The following IQSEC3 variants were observed in gnomAD, a reference collection of about 807,000 sequenced individuals.
IQSEC3 encodes IQ motif and SEC7 domain-containing protein 3.
Under a neutral mutation model 105.4 loss-of-function variants are expected in IQSEC3, and 50 were observed. That is an observed-to-expected ratio of 0.47 (90% CI 0.38 to 0.60). IQSEC3 has a LOEUF of 0.60. Among genes scored for constraint, IQSEC3 ranks in the 20% least tolerant of loss-of-function variants. The pLI, the probability that IQSEC3 is intolerant of heterozygous loss-of-function variation, is 0.00. For missense variants in IQSEC3, 1,415 were observed against 1,630.0 expected, an observed-to-expected ratio of 0.87 and a Z score of 2.27; for synonymous variants, 708 against 746.0, an observed-to-expected ratio of 0.95 and a Z score of 0.83.
At chr12:156,449 G>GGCTGGGGCAGCTGGGGGGA (rs1316633040) in intron 5 of IQSEC3, among the ~76,000 whole-genome samples, 5 of 151,926 alleles carry the variant, frequency 3.3e-5, no homozygotes, top group Non-Finnish European at 2.9e-5. Context: ...CTCCCCTGAG[G>GGCTGGGGCAGCTGGGGGGA]GCTGGGGCAG....
chr12:71,541 T>A (rs1194694583), intron 1 of IQSEC3, among the ~76,000 whole-genome samples: 2 of 152,270 alleles, frequency 1.3e-5, no homozygotes, highest in African/African-American at 4.8e-5. Flanking sequence ...TTCACTGAAG[T>A]CAAAGGTTTA....
At chr12:114,007 C>A (rs1864973991) in intron 2 of IQSEC3, among the ~76,000 whole-genome samples, 1 of 152,196 alleles carries the variant, frequency 6.6e-6, no homozygotes, top group African/African-American at 2.4e-5. Flanking sequence ...AACTCTATGA[C>A]CTTGGTTAAA....
intron 5 of IQSEC3, among the ~76,000 whole-genome samples, chr12:145,343 A>G (rs537597213): frequency 6.6e-6 from 1 of 152,282 alleles, no homozygotes; most frequent in African/African-American, 2.4e-5. Flanking sequence ...GGCATGATCA[A>G]AGCTCGCTGC....
At chr12:161,896 C>A in intron 7 of IQSEC3, 30 bp from the exon 8 acceptor site, 2 of 1,551,708 alleles carry the variant, frequency 1.3e-6, no homozygotes, top group Non-Finnish European at 1.7e-6. Flanking sequence ...CCCAACCCCA[C>A]CACCACCCCT....
intron 2 of IQSEC3, among the ~76,000 whole-genome samples, chr12:121,059 G>A (rs781897280): frequency 1.3e-5 from 2 of 152,178 alleles, no homozygotes; most frequent in African/African-American, 4.8e-5. Flanking sequence ...CCAGTGCTCT[G>A]GGAAGGGCCT....
intron 4 of IQSEC3, 183 bp from the exon 5 acceptor site, chr12:140,941 C>T (rs1555088984): frequency 8.8e-6 from 5 of 569,278 alleles, no homozygotes; most frequent in Non-Finnish European, 1.5e-5. Context: ...TGTCCTCCTT[C>T]TGGTCACACA....
Position 141,253 on chromosome 12 carries a change from C to T in IQSEC3, c.2121C>T (p.Asn707=). The change falls in exon 5 of 14, where the codon AAC becomes AAT. Residue 707 remains asparagine (N), a synonymous_variant. Coordinates refer to ENST00000538872, the MANE Select transcript of IQSEC3 (RefSeq NM_001170738.2). The stretch of plus-strand genomic sequence containing the variant: ...AGATGATTGGAGAGTTCCTGGGCAA[C>T]AGCAAGAAGCAGTTCAACCGCGACG... The part of the protein sequence containing the change: ...SRQMIGEFLG[N]SKKQFNRDVL... 2 of 1,614,102 alleles carry T rather than the reference C, an allele frequency of 1.2e-6. No homozygotes were observed. Among genetic ancestry groups the T allele is most frequent in the South Asian group, 1.1e-5 (1 of 91,076 alleles).
intron 2 of IQSEC3, among the ~76,000 whole-genome samples, chr12:100,467 C>T (rs1028004767): frequency 1.7e-4 from 26 of 152,282 alleles, no homozygotes; most frequent in Non-Finnish European, 2.5e-4. Flanking sequence ...TCTTGGGGCA[C>T]AGACAGCCAC....
chr12:151,402 G>C (rs527575912), intron 5 of IQSEC3, among the ~76,000 whole-genome samples: 19 of 152,200 alleles, frequency 1.2e-4, no homozygotes, highest in Non-Finnish European at 2.2e-4. Flanking sequence ...CCTGCACCTC[G>C]AGTCCCATCT....
At chr12:94,978 C>T (rs1261857901) in intron 1 of IQSEC3, among the ~76,000 whole-genome samples, 1 of 152,222 alleles carries the variant, frequency 6.6e-6, no homozygotes, top group Non-Finnish European at 1.5e-5. Context: ...AGGCTCTCCA[C>T]TGTCCTGCAC....
chr12:163,386 G>C, intron 8 of IQSEC3, 108 bp from the exon 9 acceptor site: 3 of 987,016 alleles, frequency 3.0e-6, no homozygotes, highest in South Asian at 1.9e-5. Context: ...CCACAGAACC[G>C]GGCCCCTCCC....
At chr12:161,631 T>C (rs1445281673) in intron 7 of IQSEC3, among the ~76,000 whole-genome samples, 1 of 152,134 alleles carries the variant, frequency 6.6e-6, no homozygotes, top group Non-Finnish European at 1.5e-5. Context: ...ACATGGAGGC[T>C]GTATCTGCCA....
intron 5 of IQSEC3, among the ~76,000 whole-genome samples, chr12:150,218 G>T (rs1555092255): frequency 6.6e-6 from 1 of 152,204 alleles, no homozygotes; most frequent in Non-Finnish European, 1.5e-5. Flanking sequence ...GAGCTGATGA[G>T]AATTCAGAAT....
chr12:178,200 GTC>G lies in IQSEC3; in HGVS notation c.*3171_*3172del, dbSNP rs72413404. ...CACCGGTCCCCACGGCCCGCCAGGAGTCTCTTTGTACCCACTAGGCTTCCCTG... is the reference window on the plus strand; with the variant it reads ...CACCGGTCCCCACGGCCCGCCAGGAGTCTTTGTACCCACTAGGCTTCCCTG... On this transcript the variant is annotated 3_prime_UTR_variant, in exon 14 of 14. Coordinates refer to ENST00000538872, the MANE Select transcript of IQSEC3 (RefSeq NM_001170738.2). 0.12 allele frequency: 18,778 copies of G among 152,080 alleles called. 2,476 individuals carry two copies. Among genetic ancestry groups the G allele is most frequent in the African/African-American group, 0.33 (13,725 of 41,300 alleles). 9.4% of individuals were successfully genotyped at this position (152,080 alleles called of 1,614,324 possible).
chr12:116,453 T>A (rs1865052452), intron 2 of IQSEC3, among the ~76,000 whole-genome samples: 1 of 152,250 alleles, frequency 6.6e-6, no homozygotes, highest in Non-Finnish European at 1.5e-5. Context: ...TGAGCTATTC[T>A]TTTGTGGTTC....
chr12:86,808 A>G (rs1555072182), intron 1 of IQSEC3, among the ~76,000 whole-genome samples: 2 of 151,988 alleles, frequency 1.3e-5, no homozygotes, highest in East Asian at 3.9e-4. Context: ...ACAGTTCAGG[A>G]GACCGAGGCT....
At chr12:106,512 A>G (rs1316852188) in intron 2 of IQSEC3, 1 of 152,294 alleles carries the variant, frequency 6.6e-6, no homozygotes, top group Non-Finnish European at 1.5e-5. Context: ...TTTTAGGGAC[A>G]GAAACAGCAA....
chr12:128,856 CG>C (rs1268857345), intron 3 of IQSEC3, among the ~76,000 whole-genome samples: 1 of 152,164 alleles, frequency 6.6e-6, no homozygotes, highest in African/African-American at 2.4e-5. Flanking sequence ...CGCTGATCCT[CG>C]GGAAAGCCTC....
At chr12:167,486 T>TG (rs1268849074) in intron 11 of IQSEC3, 4 of 151,754 alleles carry the variant, frequency 2.6e-5, no homozygotes, top group African/African-American at 9.7e-5. Context: ...GGCTCATGCT[T>TG]GGCCCTTAGT....
Sources: allele counts gnomAD v4.1 joint callset (sites outside exome capture counted in the v4.1 genomes callset), GRCh38; gene constraint gnomAD v4.1.1; transcripts MANE v1.5; gene names NCBI Gene and HGNC (gene_info 2026-07-23, HGNC 2026-07-21).